The following NPHP4 variants were observed in gnomAD, a reference collection of about 807,000 sequenced individuals.
The protein encoded by NPHP4 is nephrocystin 4.
NPHP4 carries 151 observed loss-of-function variants against 155.8 expected under a neutral mutation model. That is an observed-to-expected ratio of 0.97 (90% CI 0.85 to 1.11). NPHP4 has a LOEUF of 1.11. Among genes scored for constraint, NPHP4 ranks in the 50% least tolerant of loss-of-function variants. NPHP4 has a pLI of 0.00. For missense variants in NPHP4, 1,956 were observed against 1,925.7 expected (o/e 1.02, Z -0.29); for synonymous variants, 845 against 816.8 (o/e 1.03, Z -0.59).
At chr1:5,886,913 A>T in intron 18 of NPHP4, 1 of 200,076 alleles carries the variant, frequency 5.0e-6, no homozygotes, top group Non-Finnish European at 1.0e-5. Context: ...CCCGGGCTGC[A>T]GGGAAGTTAG....
At chr1:5,886,816 G>A in intron 18 of NPHP4, 1 of 156,086 alleles carries the variant, frequency 6.4e-6, no homozygotes. Context: ...CTTTGCTCAG[G>A]CCCTCTAACG....
intron 9 of NPHP4, among the ~76,000 whole-genome samples, chr1:5,933,601 A>C (rs925732449): frequency 6.6e-6 from 1 of 152,152 alleles, no homozygotes; most frequent in African/African-American, 2.4e-5. Context: ...TTCTGGCCCA[A>C]GGTAGTGATG....
At chr1:5,968,238 C>CA (rs961373217) in intron 4 of NPHP4, among the ~76,000 whole-genome samples, 7 of 152,140 alleles carry the variant, frequency 4.6e-5, no homozygotes, top group African/African-American at 1.7e-4. Flanking sequence ...CATACTACCT[C>CA]AAATCCATCA....
At chr1:5,965,906 C>T (rs1651414106) in intron 5 of NPHP4, among the ~76,000 whole-genome samples, 1 of 152,160 alleles carries the variant, frequency 6.6e-6, no homozygotes, top group Non-Finnish European at 1.5e-5. Context: ...ACGTTTTGAA[C>T]ACTGTGTCCC....
At position 5,992,373 on chromosome 1, in the gene NPHP4, C is replaced by A. The variant is rs1017858492; in HGVS notation, c.-168G>T. The A allele has an allele frequency of 6.6e-6, 1 of 151,886 alleles. No individual in the cohort carries two copies. The highest frequency in any genetic ancestry group is 1.5e-5 in the Non-Finnish European group (1 of 68,024). 9.4% of individuals were successfully genotyped at this position (151,886 alleles called of 1,614,324 possible). ...GAGCCACAAGCCTGAGGACCGAGGACTGGCCGAGGGGCGCGCCCCGTCCGC... is the reference window on the plus strand; with the variant it reads ...GAGCCACAAGCCTGAGGACCGAGGAATGGCCGAGGGGCGCGCCCCGTCCGC... On this transcript the variant is annotated 5_prime_UTR_variant, in exon 1 of 30. Transcript: ENST00000378156.
At chr1:5,901,753 G>T (rs1443162266) in intron 16 of NPHP4, among the ~76,000 whole-genome samples, 1 of 152,218 alleles carries the variant, frequency 6.6e-6, no homozygotes, top group African/African-American at 2.4e-5. Flanking sequence ...ATGGGAAACA[G>T]AGTGGGGAAT....
At chr1:5,878,732 C>G (rs1375468712) in intron 19 of NPHP4, among the ~76,000 whole-genome samples, 1 of 152,200 alleles carries the variant, frequency 6.6e-6, no homozygotes, top group Admixed American at 6.5e-5. Flanking sequence ...CTTCTGGGTT[C>G]CTGCTCCCTG....
At chr1:5,908,356 C>T (rs1362958067) in intron 12 of NPHP4, among the ~76,000 whole-genome samples, 2 of 152,232 alleles carry the variant, frequency 1.3e-5, no homozygotes, top group African/African-American at 4.8e-5. Context: ...TTTCCCACTG[C>T]AGATGACACA....
chr1:5,863,128 T>C lies in NPHP4; in HGVS notation c.*137A>G. The stretch of plus-strand genomic sequence containing the variant: ...TGACCAGCGCTCGGTCTCTGCTTCC[T>C]CAGCCAAGTGCACAGGTCAGCCAGG... On this transcript the variant is annotated 3_prime_UTR_variant, in exon 30 of 30. Transcript: ENST00000378156. 2 of 897,472 alleles carry C rather than the reference T, an allele frequency of 2.2e-6. No individual in the cohort carries two copies. The highest frequency in any genetic ancestry group is 2.5e-5 in the East Asian group (1 of 40,376). 55.6% of individuals were successfully genotyped at this position (897,472 alleles called of 1,614,324 possible).
intron 4 of NPHP4, among the ~76,000 whole-genome samples, chr1:5,968,700 C>G (rs1318239977): frequency 6.6e-6 from 1 of 152,100 alleles, no homozygotes; most frequent in Non-Finnish European, 1.5e-5. Context: ...CTTCTACTGC[C>G]ACCATAAGAC....
chr1:5,869,134 A>G (rs901150800), intron 23 of NPHP4, among the ~76,000 whole-genome samples: 7 of 142,956 alleles, frequency 4.9e-5, no homozygotes, highest in African/African-American at 1.5e-4. Flanking sequence ...CACAATGCAC[A>G]CATATCCGCC....
rs149458919 is a variant in NPHP4 at position 5,955,409 on chromosome 1, A to T, written c.674-2573T>A. Among the ~76,000 whole-genome samples, 147 of 152,380 alleles carry T rather than the reference A, an allele frequency of 9.6e-4. 1 individual carries two copies. Among genetic ancestry groups the T allele is most frequent in the African/African-American group, 3.4e-3 (143 of 41,596 alleles). Reference sequence around the variant, plus strand: ...TATAATATCCAAAGGAAATGAAATCAGTATGTCAAAGAGATATCGCCACTC... The same window carrying T: ...TATAATATCCAAAGGAAATGAAATCTGTATGTCAAAGAGATATCGCCACTC... On this transcript the variant is annotated intron_variant, in intron 6 of 29. Transcript: ENST00000378156.
chr1:5,949,766 G>A (rs528582092), intron 7 of NPHP4, among the ~76,000 whole-genome samples: 3 of 152,182 alleles, frequency 2.0e-5, no homozygotes, highest in East Asian at 1.9e-4. Context: ...GCATGAGTCC[G>A]AGGCCACCTA....
At position 5,905,519 on chromosome 1, in the gene NPHP4, A is replaced by C; in HGVS notation, c.1764-36T>G. The C allele has an allele frequency of 6.3e-7, 1 of 1,597,020 alleles. No individual in the cohort carries two copies. The highest frequency in any genetic ancestry group is 8.6e-7 in the Non-Finnish European group (1 of 1,167,424). ...GAGACTCCTCAGGTAGCCTCCCGGGAAAGGGGGGACCCATTGATGCACCTC... is the reference window on the plus strand; with the variant it reads ...GAGACTCCTCAGGTAGCCTCCCGGGCAAGGGGGGACCCATTGATGCACCTC... On this transcript the variant is annotated intron_variant, in intron 14 of 29. Transcript: ENST00000378156. The surrounding 1 kb of genome is among the most constrained non-coding windows in gnomAD (Gnocchi z 4.0).
In NPHP4 at chr1:5,986,254, C is replaced by T; in HGVS notation, c.36G>A (p.Val12=). The change falls in exon 2 of 30, where the codon GTG becomes GTA. Residue 12 remains valine, a synonymous_variant. Transcript: ENST00000378156. ...NDWHRIFTQN[V]LVPPHPQRAR... ...CTCTCTGTGGGTGGGGAGGGACAAG[C>T]ACGTTTTGGGTGAAGATCCTGTGCC... 1 of 1,613,860 alleles carries T rather than the reference C, an allele frequency of 6.2e-7. No individual in the cohort carries two copies. Among genetic ancestry groups the T allele is most frequent in the South Asian group, 1.1e-5 (1 of 91,022 alleles).
chr1:5,917,369 C>T (rs996941581), intron 11 of NPHP4, among the ~76,000 whole-genome samples: 6 of 152,030 alleles, frequency 3.9e-5, no homozygotes, highest in South Asian at 4.2e-4. Flanking sequence ...AAACTCTACC[C>T]GGAAAGAAGC....
chr1:5,874,966 C>A lies in NPHP4; in HGVS notation c.2952G>T (p.Thr984=). 1 of 1,613,274 alleles carries A rather than the reference C, an allele frequency of 6.2e-7. No individual in the cohort carries two copies. Among genetic ancestry groups the A allele is most frequent in the Non-Finnish European group, 8.5e-7 (1 of 1,179,892 alleles). The part of the protein sequence containing the change: ...AITTEHTLHA[T]LGVAEFFEFV... ...ACTCAAAGAACTCGGCGACCCCCAG[C>A]GTGGCGTGGAGCGTGTGCTCCGTGG... Residue 984 remains threonine (T), a synonymous_variant, in exon 21 of 30, where the codon ACG becomes ACT. Transcript: ENST00000378156.
intron 16 of NPHP4, among the ~76,000 whole-genome samples, chr1:5,900,500 A>T (rs1407466333): frequency 6.6e-6 from 1 of 152,164 alleles, no homozygotes; most frequent in African/African-American, 2.4e-5. Context: ...GACATTCTGG[A>T]AGAGGCAACA....
chr1:5,968,740 G>A (rs897272432), intron 4 of NPHP4, among the ~76,000 whole-genome samples: 2 of 152,054 alleles, frequency 1.3e-5, no homozygotes, highest in East Asian at 1.9e-4. Flanking sequence ...GAAAGATGCT[G>A]GAATCTGGCC....
Sources: allele counts gnomAD v4.1 joint callset (sites outside exome capture counted in the v4.1 genomes callset), GRCh38; gene constraint gnomAD v4.1.1; non-coding constraint Gnocchi (gnomAD v3.1); transcripts MANE v1.5; gene names NCBI Gene and HGNC (gene_info 2026-07-23, HGNC 2026-07-21).